VWA8: variants seen among roughly 807,000 people sequenced by gnomAD.
VWA8 encodes the protein von Willebrand factor A domain-containing protein 8.
Under a neutral mutation model 241.5 loss-of-function variants are expected in VWA8, and 221 were observed. That is an observed-to-expected ratio of 0.91 (90% CI 0.82 to 1.02). The LOEUF is 1.02. VWA8 is among the 50% of genes least tolerant of loss of function. The pLI is 0.00. For synonymous variants in VWA8, 852 were observed against 827.1 expected (o/e 1.03, Z -0.52); for missense variants, 2,322 against 2,328.7 (o/e 1.00, Z 0.06).
At chr13:41,872,157 G>GT (rs1306268956) in intron 9 of VWA8, among the ~76,000 whole-genome samples, 2 of 151,870 alleles carry the variant, frequency 1.3e-5, no homozygotes, top group Non-Finnish European at 2.9e-5. Flanking sequence ...GGGGTTGTTT[G>GT]TTTTTTTCTT....
At chr13:41,734,625 A>G (rs945458664) in intron 21 of VWA8, among the ~76,000 whole-genome samples, 1 of 152,168 alleles carries the variant, frequency 6.6e-6, no homozygotes, top group Admixed American at 6.5e-5. Flanking sequence ...TTCTCCTTCT[A>G]ACTTGAGCAA....
At chr13:41,582,627 AT>A (rs886652689) in intron 42 of VWA8, among the ~76,000 whole-genome samples, 4 of 151,660 alleles carry the variant, frequency 2.6e-5, no homozygotes, top group Non-Finnish European at 4.4e-5. Context: ...TTCATGCATA[AT>A]TTTTTTTTCT....
intron 37 of VWA8, among the ~76,000 whole-genome samples, chr13:41,640,884 A>G (rs1159250802): frequency 6.6e-6 from 1 of 152,150 alleles, no homozygotes; most frequent in Non-Finnish European, 1.5e-5. Context: ...GGAAAGTGGT[A>G]TTTCCAATTT....
chr13:41,726,191 A>C (rs2045431426), intron 24 of VWA8, among the ~76,000 whole-genome samples: 1 of 152,052 alleles, frequency 6.6e-6, no homozygotes, highest in Admixed American at 6.6e-5. Context: ...ATAGCATTCT[A>C]TTGTGTGGAT....
chr13:41,568,661 C>T lies in VWA8; in HGVS notation c.5610-356G>A, dbSNP rs141590007. On this transcript the variant is annotated intron_variant, in intron 44 of 44. Coordinates refer to ENST00000379310, the MANE Select transcript of VWA8 (RefSeq NM_015058.2). ...ATTCATATGGAATCAGCTCACCTCC[C>T]GGGTCTAGCAAATATGTTGACCTTA... Among the ~76,000 whole-genome samples, 260 of 152,310 alleles carry T rather than the reference C, an allele frequency of 1.7e-3. 1 individual carries two copies. Among genetic ancestry groups the T allele is most frequent in the African/African-American group, 5.8e-3 (240 of 41,558 alleles).
intron 9 of VWA8, among the ~76,000 whole-genome samples, chr13:41,873,431 C>G (rs534720170): frequency 6.6e-6 from 1 of 151,744 alleles, no homozygotes; most frequent in African/African-American, 2.4e-5. Context: ...ATTGACAGAC[C>G]GCTAGCAAGA....
intron 34 of VWA8, among the ~76,000 whole-genome samples, chr13:41,688,873 C>A (rs1418060851): frequency 6.6e-6 from 1 of 152,060 alleles, no homozygotes; most frequent in African/African-American, 2.4e-5. Context: ...CTATCAGGTA[C>A]TATGCTTATT....
intron 26 of VWA8, among the ~76,000 whole-genome samples, chr13:41,711,706 C>G (rs1270130804): frequency 1.3e-5 from 2 of 152,020 alleles, no homozygotes; most frequent in Admixed American, 6.6e-5. Context: ...AACCCCGTCT[C>G]TACTAAAAAT....
rs201601106 is a variant in VWA8, at chr13:41,830,129, GCTA to G, written c.1700+397_1700+399del. Among the ~76,000 whole-genome samples the G allele has an allele frequency of 6.1e-3, 931 of 151,678 alleles. 9 individuals are homozygous for G. Among genetic ancestry groups the G allele is most frequent in the African/African-American group, 0.021 (885 of 41,308 alleles). On this transcript the variant is annotated intron_variant, in intron 14 of 44. Transcript: ENST00000379310. ...GTAGTGGCGGGCGCCTGTGTTCCTG[GCTA>G]CTTGGGAGGCTGAGGCAGGAGAATG...
chr13:41,930,104 C>T (rs1332812286), intron 2 of VWA8, among the ~76,000 whole-genome samples: 1 of 151,996 alleles, frequency 6.6e-6, no homozygotes, highest in East Asian at 1.9e-4. Context: ...GTAAAAATGG[C>T]CAACAGGTAT....
intron 1 of VWA8, among the ~76,000 whole-genome samples, chr13:41,951,596 T>C (rs564537207): frequency 1.3e-5 from 2 of 152,252 alleles, no homozygotes; most frequent in South Asian, 4.1e-4. Context: ...AACAGCAAAA[T>C]AGGCATGGTG....
At chr13:41,883,335 A>G (rs1874353396) in intron 9 of VWA8, 52 bp downstream of exon 9, 2 of 1,452,436 alleles carry the variant, frequency 1.4e-6, no homozygotes, top group Admixed American at 3.4e-5. Flanking sequence ...GGGAAAAGGC[A>G]AGGGAAGGGA....
At position 41,886,820 on chromosome 13, in the gene VWA8, T is replaced by G; in HGVS notation, c.827A>C (p.Lys276Thr). 12 of 1,590,918 alleles carry G rather than the reference T, an allele frequency of 7.5e-6. No homozygotes were observed. The highest frequency in any genetic ancestry group is 1.9e-5 in the Admixed American group (1 of 53,378). The change falls in exon 7 of 45, where the codon AAG (lysine) becomes ACG (threonine). Residue 276 changes from lysine (K) to threonine (T), a missense_variant. Coordinates refer to ENST00000379310, the MANE Select transcript of VWA8 (RefSeq NM_015058.2). ...IYYLPFKDQL[K>T]LLYSIGANVS... ...ATTGGCTCCAATTGAATATAACAAC[T>G]TAAGTTGGTCCTAAAGTAATACAGA...
At chr13:41,858,530 C>T (rs756207715) in intron 12 of VWA8, among the ~76,000 whole-genome samples, 21 of 151,816 alleles carry the variant, frequency 1.4e-4, no homozygotes, top group Admixed American at 3.9e-4. Context: ...CACTTGAACC[C>T]GGGAGGCGGA....
intron 37 of VWA8, 72 bp from the exon 38 acceptor site, chr13:41,615,156 A>T: frequency 6.7e-7 from 1 of 1,487,744 alleles, no homozygotes; most frequent in South Asian, 1.2e-5. Flanking sequence ...AGAAAAAAAA[A>T]TTATTTTCTC....
At chr13:41,750,576 C>T (rs1042911140) in intron 21 of VWA8, among the ~76,000 whole-genome samples, 1 of 151,924 alleles carries the variant, frequency 6.6e-6, no homozygotes, top group Non-Finnish European at 1.5e-5. Flanking sequence ...AAATTGAAAT[C>T]AACTCTCACA....
At chr13:41,579,119 A>C (rs1487857615) in intron 42 of VWA8, among the ~76,000 whole-genome samples, 1 of 152,180 alleles carries the variant, frequency 6.6e-6, no homozygotes, top group Non-Finnish European at 1.5e-5. Flanking sequence ...ACGGACAACC[A>C]TTTGCTGGCT....
chr13:41,644,655 C>T (rs1261534617), intron 37 of VWA8, among the ~76,000 whole-genome samples: 3 of 152,202 alleles, frequency 2.0e-5, no homozygotes, highest in Non-Finnish European at 4.4e-5. Flanking sequence ...AGGTGGGTTC[C>T]CCTGAGCCAC....
intron 40 of VWA8, among the ~76,000 whole-genome samples, chr13:41,600,708 C>T (rs532240390): frequency 6.6e-5 from 10 of 152,216 alleles, no homozygotes; most frequent in Non-Finnish European, 1.5e-4. Flanking sequence ...CATACTATAA[C>T]ATCCAAAGCA....
Sources: gnomAD v4.1 joint callset for allele counts (sites outside exome capture counted in the v4.1 genomes callset) on GRCh38, gnomAD v4.1.1 for gene constraint, MANE v1.5 for transcripts, NCBI Gene and HGNC (gene_info 2026-07-23, HGNC 2026-07-21) for gene names.